SETBP1: variants seen among roughly 807,000 people sequenced by gnomAD.
SETBP1 encodes the protein SET-binding protein.
A neutral mutation model predicts 101.0 loss-of-function variants in SETBP1; 9 were observed. The observed-to-expected ratio is 0.09, with a 90% CI of 0.05 to 0.16. SETBP1 has a LOEUF of 0.16. Ranked by LOEUF, SETBP1 falls within the 10% of genes least tolerant of loss-of-function variation. The pLI is 1.00. For synonymous variants in SETBP1, 818 were observed against 788.5 expected (o/e 1.04, Z -0.63); for missense variants, 1,858 against 2,033.8 (o/e 0.91, Z 1.66).
chr18:44,900,499 T>C (rs1211040539), intron 3 of SETBP1, among the ~76,000 whole-genome samples: 2 of 152,184 alleles, frequency 1.3e-5, no homozygotes, highest in Non-Finnish European at 2.9e-5. Context: ...CATAAGAAAA[T>C]AGTCTTACAG....
intron 3 of SETBP1, among the ~76,000 whole-genome samples, chr18:44,882,907 C>A (rs929384824): frequency 6.6e-6 from 1 of 152,160 alleles, no homozygotes; most frequent in Non-Finnish European, 1.5e-5. Flanking sequence ...TCTGCAGCTA[C>A]CTCCTGTTCA....
intron 2 of SETBP1, among the ~76,000 whole-genome samples, chr18:44,766,230 G>T (rs1043602630): frequency 1.3e-5 from 2 of 152,218 alleles, no homozygotes; most frequent in African/African-American, 4.8e-5. Context: ...CATGATACAT[G>T]GTCCGGCAGT....
At chr18:44,745,230 T>C (rs1231421187) in intron 2 of SETBP1, among the ~76,000 whole-genome samples, 1 of 152,218 alleles carries the variant, frequency 6.6e-6, no homozygotes, top group Non-Finnish European at 1.5e-5. Context: ...TTCGTGTATA[T>C]TCATATTATA....
At chr18:44,878,848 C>T (rs191011814) in intron 3 of SETBP1, among the ~76,000 whole-genome samples, 51 of 152,274 alleles carry the variant, frequency 3.3e-4, no homozygotes, top group African/African-American at 1.2e-3. Context: ...AAGAGAGGGG[C>T]CCTCATAGTG....
At position 45,063,772 on chromosome 18, in the gene SETBP1, G is replaced by A. The variant is rs1281758705; in HGVS notation, c.*74G>A. The stretch of plus-strand genomic sequence containing the variant: ...AAGCGCAGTGAGCCGGGGCGGGGGC[G>A]GAATCCCCCGCTGCAGGGACACCCA... On this transcript the variant is annotated 3_prime_UTR_variant, in exon 6 of 6. Coordinates refer to ENST00000649279, the MANE Select transcript of SETBP1 (RefSeq NM_015559.3). 4.0e-6 allele frequency: 6 copies of A among 1,494,954 alleles called. No homozygotes were observed. Among genetic ancestry groups the A allele is most frequent in the Non-Finnish European group, 5.4e-6 (6 of 1,104,732 alleles). 92.6% of individuals were successfully genotyped at this position (1,494,954 alleles called of 1,614,324 possible).
Position 44,876,469 on chromosome 18 carries a change from A to G in SETBP1, c.540+7186A>G, listed in dbSNP as rs563620068. The G allele has an allele frequency of 2.9e-5, 24 of 837,372 alleles. No individual in the cohort carries two copies. In the African/African-American group the frequency reaches 3.9e-4, roughly 14 times the overall value. The allele number at this position is 837,372 out of a possible 1,614,324, so 51.9% of individuals were successfully genotyped here. ...TGAAAAATACAGGAATCCAGTCCTA[A>G]CCCCTGTAGTGTGGATTGAATTGGT... On this transcript the variant is annotated intron_variant, in intron 3 of 5. Transcript: ENST00000649279.
intron 2 of SETBP1, among the ~76,000 whole-genome samples, chr18:44,738,868 C>T (rs1187065985): frequency 1.3e-5 from 2 of 151,840 alleles, no homozygotes; most frequent in East Asian, 1.9e-4. Context: ...CAGTTGCCCA[C>T]AAACTTAGTG....
At chr18:44,988,337 G>A (rs557259744) in intron 4 of SETBP1, 54 of 152,322 alleles carry the variant, frequency 3.5e-4, no homozygotes, top group African/African-American at 1.2e-3. Context: ...TGATGATAAT[G>A]GAGAAGGAGA....
chr18:44,731,391 G>A (rs913652395), intron 2 of SETBP1, among the ~76,000 whole-genome samples: 3 of 152,242 alleles, frequency 2.0e-5, no homozygotes, highest in African/African-American at 7.2e-5. Flanking sequence ...AACAGGGTCC[G>A]CAGAGAGGTT....
chr18:44,855,775 T>C (rs900716781), intron 2 of SETBP1, among the ~76,000 whole-genome samples: 4 of 152,242 alleles, frequency 2.6e-5, no homozygotes, highest in Admixed American at 2.6e-4. Flanking sequence ...TGGCATGGTG[T>C]GCTCAGATCT....
intron 2 of SETBP1, among the ~76,000 whole-genome samples, chr18:44,793,823 G>A (rs963570861): frequency 9.2e-5 from 14 of 152,174 alleles, no homozygotes; most frequent in Non-Finnish European, 1.9e-4. Flanking sequence ...TAGGATTCAT[G>A]GCATGTCATT....
chr18:45,025,497 T>G (rs1459399086), intron 4 of SETBP1, among the ~76,000 whole-genome samples: 1 of 152,140 alleles, frequency 6.6e-6, no homozygotes, highest in Non-Finnish European at 1.5e-5. Context: ...GGGTCTGAGT[T>G]TCTCTGATTT....
chr18:44,839,549 G>C (rs1321463272), intron 2 of SETBP1, among the ~76,000 whole-genome samples: 2 of 152,178 alleles, frequency 1.3e-5, no homozygotes, highest in Non-Finnish European at 2.9e-5. Flanking sequence ...CCATTCTCTT[G>C]GCAGTCCAGT....
intron 2 of SETBP1, among the ~76,000 whole-genome samples, chr18:44,784,874 T>C (rs1440112033): frequency 6.6e-6 from 1 of 152,196 alleles, no homozygotes; most frequent in Non-Finnish European, 1.5e-5. Flanking sequence ...TGCCAAAATG[T>C]ATATGTATTT....
At position 44,947,472 on chromosome 18, in the gene SETBP1, GA is replaced by G. The variant is rs2071233908; in HGVS notation, c.541-2407del. Among the ~76,000 whole-genome samples the G allele has an allele frequency of 9.0e-5, 13 of 145,070 alleles. No individual in the cohort carries two copies. The South Asian group carries it at 2.9e-3, about 33-fold the overall frequency. Reference sequence around the variant, plus strand: ...AGTCCTGTTTTACCCAGGTCCAAAAGAATCACACCGTTTGTCCCACTTTTTT... The same window carrying G: ...AGTCCTGTTTTACCCAGGTCCAAAAGATCACACCGTTTGTCCCACTTTTTT... On this transcript the variant is annotated intron_variant, in intron 3 of 5. Transcript: ENST00000649279.
intron 4 of SETBP1, chr18:44,987,010 A>T (rs925193481): frequency 1.3e-5 from 2 of 152,130 alleles, no homozygotes; most frequent in African/African-American, 4.8e-5. Flanking sequence ...AGTATTATGT[A>T]CCGTACCTAG....
At chr18:44,698,847 G>A (rs1477353043) in intron 1 of SETBP1, among the ~76,000 whole-genome samples, 1 of 152,104 alleles carries the variant, frequency 6.6e-6, no homozygotes, top group African/African-American at 2.4e-5. Context: ...AAAATTTTTT[G>A]TATTGAATTT....
At chr18:45,042,402 G>A (rs948919554) in intron 5 of SETBP1, among the ~76,000 whole-genome samples, 4 of 152,008 alleles carry the variant, frequency 2.6e-5, no homozygotes, top group African/African-American at 7.3e-5. Flanking sequence ...CGCCCACTTC[G>A]GCCTCCCAAA....
At chr18:44,892,322 A>C (rs916938753) in intron 3 of SETBP1, among the ~76,000 whole-genome samples, 1 of 152,168 alleles carries the variant, frequency 6.6e-6, no homozygotes, top group Non-Finnish European at 1.5e-5. Context: ...GAACTTAGAG[A>C]ATGGCCTTAT....
Sources: allele counts gnomAD v4.1 joint callset (sites outside exome capture counted in the v4.1 genomes callset), GRCh38; gene constraint gnomAD v4.1.1; transcripts MANE v1.5; gene names NCBI Gene and HGNC (gene_info 2026-07-23, HGNC 2026-07-21).